The following KCNK2 variants were observed in gnomAD, a reference collection of about 807,000 sequenced individuals.
KCNK2 encodes potassium channel subfamily K member 2.
KCNK2 carries 21 observed loss-of-function variants against 40.5 expected under a neutral mutation model. The observed-to-expected ratio is 0.52, with a 90% CI of 0.37 to 0.75. KCNK2 has a LOEUF of 0.75. Among genes scored for constraint, KCNK2 ranks in the 30% least tolerant of loss-of-function variants. The pLI, the probability that KCNK2 is intolerant of heterozygous loss-of-function variation, is 0.00. For synonymous variants in KCNK2, 191 were observed against 202.2 expected, an observed-to-expected ratio of 0.94 and a Z score of 0.47; for missense variants, 399 against 531.6, an observed-to-expected ratio of 0.75 and a Z score of 2.45.
At chr1:215,204,853 T>A (rs1665244752) in intron 6 of KCNK2, among the ~76,000 whole-genome samples, 2 of 152,206 alleles carry the variant, frequency 1.3e-5, no homozygotes, top group Non-Finnish European at 2.9e-5. Context: ...TATTTAATCA[T>A]CTTTTGCAAC....
At chr1:215,118,054 C>T (rs2102572270) in intron 2 of KCNK2, among the ~76,000 whole-genome samples, 1 of 152,184 alleles carries the variant, frequency 6.6e-6, no homozygotes, top group East Asian at 1.9e-4. Context: ...CAGTGTGGTT[C>T]CTCATTGTTT....
chr1:215,113,834 G>C (rs1279653724), intron 2 of KCNK2, among the ~76,000 whole-genome samples: 1 of 152,118 alleles, frequency 6.6e-6, no homozygotes, highest in African/African-American at 2.4e-5. Flanking sequence ...GGCCTCAAGT[G>C]ATCTGCGCAA....
chr1:215,150,569 C>A (rs1662642575), intron 3 of KCNK2, among the ~76,000 whole-genome samples: 1 of 152,116 alleles, frequency 6.6e-6, no homozygotes, highest in Non-Finnish European at 1.5e-5. Context: ...AAAATTCTTG[C>A]ATATAACTTA....
rs571749247 is a variant in KCNK2, at chr1:215,173,031, GGTTT to G, written c.823+852_823+855del. On this transcript the variant is annotated intron_variant, in intron 5 of 6. Transcript: ENST00000444842. ...CTAGGGTACATGTGCACAACGTGCA[GGTTT>G]GTTACACATGTGCCATGTTGGTGTG... Among the ~76,000 whole-genome samples, 808 of 152,126 alleles carry G rather than the reference GGTTT, an allele frequency of 5.3e-3. 8 individuals are homozygous for G. Among genetic ancestry groups the G allele is most frequent in the Non-Finnish European group, 7.6e-3 (520 of 67,994 alleles).
At chr1:215,144,148 C>A (rs538203268) in intron 3 of KCNK2, among the ~76,000 whole-genome samples, 6 of 152,042 alleles carry the variant, frequency 3.9e-5, no homozygotes, top group Non-Finnish European at 5.9e-5. Context: ...TAAACATATG[C>A]CCTTTTTTCT....
intron 1 of KCNK2, among the ~76,000 whole-genome samples, chr1:215,068,397 A>G (rs1411406847): frequency 6.6e-6 from 1 of 152,190 alleles, no homozygotes; most frequent in African/African-American, 2.4e-5. Flanking sequence ...CAGGCGAAAG[A>G]AACACTACAG....
intron 1 of KCNK2, among the ~76,000 whole-genome samples, chr1:215,010,967 A>C (rs1385339198): frequency 1.4e-5 from 2 of 144,562 alleles, no homozygotes; most frequent in Non-Finnish European, 3.0e-5. Context: ...ACATTACATA[A>C]TATAAATAGA....
chr1:215,176,986 C>T (rs1169594724), intron 5 of KCNK2, among the ~76,000 whole-genome samples: 1 of 152,100 alleles, frequency 6.6e-6, no homozygotes, highest in African/African-American at 2.4e-5. Context: ...TTCTCCACAG[C>T]CTTGGCAGCA....
intron 1 of KCNK2, among the ~76,000 whole-genome samples, chr1:215,037,881 T>A (rs1055455067): frequency 6.6e-6 from 1 of 151,978 alleles, no homozygotes; most frequent in African/African-American, 2.4e-5. Context: ...TAATTTCTTT[T>A]ATTCATAATT....
upstream of KCNK2, among the ~76,000 whole-genome samples, chr1:215,082,353 G>A (rs1271561987): frequency 2.6e-5 from 4 of 152,166 alleles, no homozygotes; most frequent in Non-Finnish European, 5.9e-5. Context: ...AGGTCTGGGG[G>A]GCCACGAGGG....
intron 3 of KCNK2, among the ~76,000 whole-genome samples, chr1:215,160,770 C>T (rs560101619): frequency 6.6e-6 from 1 of 152,078 alleles, no homozygotes; most frequent in East Asian, 1.9e-4. Flanking sequence ...GCTCTCTTTC[C>T]TTCTGAGTCT....
At chr1:215,183,845 T>C (rs1428567338) in intron 5 of KCNK2, among the ~76,000 whole-genome samples, 1 of 152,218 alleles carries the variant, frequency 6.6e-6, no homozygotes, top group African/African-American at 2.4e-5. Context: ...TAAATATTTT[T>C]AGAACAGAAA....
At chr1:215,081,591 C>T (rs2363560), upstream of KCNK2, among the ~76,000 whole-genome samples, 113,275 of 151,326 alleles carry the variant, frequency 0.75, 42,867 homozygotes, top group Non-Finnish European at 0.77. Flanking sequence ...AGCTTTTTTT[C>T]CCCTACAATT....
At chr1:215,073,965 T>C (rs1033676915) in intron 1 of KCNK2, among the ~76,000 whole-genome samples, 1 of 152,140 alleles carries the variant, frequency 6.6e-6, no homozygotes, top group Non-Finnish European at 1.5e-5. Flanking sequence ...TAATGAGAAA[T>C]TCAATACTTC....
intron 1 of KCNK2, among the ~76,000 whole-genome samples, chr1:215,023,692 C>T (rs952728432): frequency 1.3e-5 from 2 of 152,126 alleles, no homozygotes; most frequent in African/African-American, 4.8e-5. Context: ...ATATTCTCAT[C>T]AGTAATGGCA....
chr1:215,126,965 G>C (rs1387770082), intron 3 of KCNK2, among the ~76,000 whole-genome samples: 3 of 152,102 alleles, frequency 2.0e-5, no homozygotes, highest in Non-Finnish European at 4.4e-5. Flanking sequence ...AAAAAATTTG[G>C]CCTCTTCCCT....
intron 5 of KCNK2, among the ~76,000 whole-genome samples, chr1:215,186,307 A>G (rs1316652498): frequency 6.6e-6 from 1 of 152,012 alleles, no homozygotes; most frequent in Non-Finnish European, 1.5e-5. Flanking sequence ...GCTATTTGGG[A>G]GGCTGAGGTG....
intron 1 of KCNK2, among the ~76,000 whole-genome samples, chr1:215,069,504 C>T (rs756673815): frequency 3.3e-5 from 5 of 152,222 alleles, no homozygotes; most frequent in Admixed American, 6.5e-5. Flanking sequence ...GTGTTCTCTT[C>T]CCAGACCCAT....
At chr1:215,087,079 A>G (rs1659478449) in intron 2 of KCNK2, among the ~76,000 whole-genome samples, 1 of 152,334 alleles carries the variant, frequency 6.6e-6, no homozygotes, top group East Asian at 1.9e-4. Flanking sequence ...TCAACTGAGA[A>G]ACATTGCTGT....
Sources: gnomAD v4.1 joint callset for allele counts (sites outside exome capture counted in the v4.1 genomes callset) on GRCh38, gnomAD v4.1.1 for gene constraint, MANE v1.5 for transcripts, NCBI Gene and HGNC (gene_info 2026-07-23, HGNC 2026-07-21) for gene names.